SWAP70: variants seen among roughly 807,000 people sequenced by gnomAD.
The protein encoded by SWAP70 is switching B cell complex subunit SWAP70.
A neutral mutation model predicts 80.2 loss-of-function variants in SWAP70; 34 were observed. That is an observed-to-expected ratio of 0.42 (90% CI 0.32 to 0.56). SWAP70 has a LOEUF of 0.56. SWAP70 is among the 20% of genes least tolerant of loss of function. The pLI is 0.09. For synonymous variants in SWAP70, 239 were observed against 238.5 expected (o/e 1.00, Z -0.02); for missense variants, 578 against 690.7 (o/e 0.84, Z 1.83).
At chr11:9,733,293 A>G (rs79651690) in intron 7 of SWAP70, among the ~76,000 whole-genome samples, 2,125 of 152,230 alleles carry the variant, frequency 0.014, 56 homozygotes, top group African/African-American at 0.049. Flanking sequence ...CAGTATATGG[A>G]TATGGTCTTT....
intron 2 of SWAP70, among the ~76,000 whole-genome samples, chr11:9,699,843 G>A (rs1465919841): frequency 4.1e-5 from 6 of 146,158 alleles, no homozygotes; most frequent in African/African-American, 7.6e-5. Context: ...TGGTCTCACT[G>A]TGTCACCCAG....
At chr11:9,695,016 G>C (rs1850737947) in intron 2 of SWAP70, among the ~76,000 whole-genome samples, 1 of 152,128 alleles carries the variant, frequency 6.6e-6, no homozygotes, top group Non-Finnish European at 1.5e-5. Context: ...TGCCCAGGCA[G>C]GGTGGCTCAC....
At chr11:9,717,799 A>T (rs1851085000) in intron 3 of SWAP70, among the ~76,000 whole-genome samples, 4 of 152,148 alleles carry the variant, frequency 2.6e-5, no homozygotes, top group Admixed American at 2.6e-4. Flanking sequence ...CCATCACTAA[A>T]ATATTTGGTG....
chr11:9,731,513 C>CTA lies in SWAP70; in HGVS notation c.899-1014_899-1013dup, dbSNP rs1851297640. Among the ~76,000 whole-genome samples the CTA allele has an allele frequency of 3.9e-5, 6 of 152,208 alleles. No individual in the cohort carries two copies. The South Asian group carries it at 1.2e-3, about 31-fold the overall frequency. Reference sequence around the variant, plus strand: ...CATAGATTGCAAACAATCTAGCTATCTATTAATAGGGAAATGGTTGAATAA... The same window carrying CTA: ...CATAGATTGCAAACAATCTAGCTATCTATATTAATAGGGAAATGGTTGAATAA... On this transcript the variant is annotated intron_variant, in intron 6 of 11. Coordinates refer to ENST00000318950, the MANE Select transcript of SWAP70 (RefSeq NM_015055.4).
rs529940455 is a variant in SWAP70 at position 9,733,396 on chromosome 11, A to C, written c.1080+686A>C. Among the ~76,000 whole-genome samples the C allele has an allele frequency of 2.0e-5, 3 of 152,330 alleles. No individual in the cohort carries two copies. In the South Asian group the frequency reaches 6.2e-4, roughly 32 times the overall value. On this transcript the variant is annotated intron_variant, in intron 7 of 11. Coordinates refer to ENST00000318950, the MANE Select transcript of SWAP70 (RefSeq NM_015055.4). ...AGGACTCTTTCATGCACATCTGTGC[A>C]AAAACTTTGCTCTGGGATATGGGGG...
chr11:9,747,973 C>T lies in SWAP70; in HGVS notation c.1471C>T (p.Leu491=). 1 of 1,614,146 alleles carries T rather than the reference C, an allele frequency of 6.2e-7. No individual in the cohort carries two copies. Among genetic ancestry groups the T allele is most frequent in the South Asian group, 1.1e-5 (1 of 91,082 alleles). The change falls in exon 10 of 12, where the codon CTG becomes TTG. Residue 491 remains leucine (L), a synonymous_variant. Transcript: ENST00000318950. The part of the protein sequence containing the change: ...EKQELENQRV[L]KEQALQEAME... Reference sequence around the variant, plus strand: ...GCAGGAGTTGGAGAATCAGCGTGTCCTGAAGGAACAGGCCCTGCAGGAGGC... The same window carrying T: ...GCAGGAGTTGGAGAATCAGCGTGTCTTGAAGGAACAGGCCCTGCAGGAGGC...
intron 3 of SWAP70, among the ~76,000 whole-genome samples, chr11:9,723,691 G>GA (rs1449162022): frequency 6.6e-6 from 1 of 151,628 alleles, no homozygotes; most frequent in Non-Finnish European, 1.5e-5. Flanking sequence ...GGGCTTTCCA[G>GA]AAAATAAGAG....
intron 1 of SWAP70, among the ~76,000 whole-genome samples, chr11:9,689,105 T>C (rs539294294): frequency 6.6e-6 from 1 of 152,326 alleles, no homozygotes; most frequent in South Asian, 2.1e-4. Context: ...TTTTTTTCAG[T>C]GTTGAATCTT....
At chr11:9,682,263 CAG>C (rs1850577096) in intron 1 of SWAP70, among the ~76,000 whole-genome samples, 1 of 152,136 alleles carries the variant, frequency 6.6e-6, no homozygotes, top group African/African-American at 2.4e-5. Flanking sequence ...GCAGTAGAGA[CAG>C]GAGTTGGCAT....
chr11:9,752,150 G>T lies in SWAP70; in HGVS notation c.*2180G>T, dbSNP rs1457335847. 6 of 152,230 alleles carry T rather than the reference G, an allele frequency of 3.9e-5. No homozygotes were observed. The highest frequency in any genetic ancestry group is 5.9e-5 in the Non-Finnish European group (4 of 68,036). 9.4% of individuals were successfully genotyped at this position (152,230 alleles called of 1,614,324 possible). On this transcript the variant is annotated 3_prime_UTR_variant, in exon 12 of 12. Transcript: ENST00000318950. The stretch of plus-strand genomic sequence containing the variant: ...TTAGGAGTCAAATAGTCTCTGCATG[G>T]TGGGGAGGATCATGATGGAATATGT...
rs375971179 is a variant in SWAP70, at chr11:9,743,115, G to A, written c.1355+2768G>A. Reference sequence around the variant, plus strand: ...CTTCCTGTGTCCAAGTGTTCTCATTGTTCAGTTCCCACCTATGAGTGAGAA... The same window carrying A: ...CTTCCTGTGTCCAAGTGTTCTCATTATTCAGTTCCCACCTATGAGTGAGAA... On this transcript the variant is annotated intron_variant, in intron 9 of 11. Transcript: ENST00000318950. Among the ~76,000 whole-genome samples the A allele has an allele frequency of 3.6e-4, 50 of 138,032 alleles. No individual in the cohort carries two copies. The East Asian group carries it at 8.5e-3, about 23-fold the overall frequency. 90.6% of individuals were successfully genotyped at this position (138,032 alleles called of 152,430 possible). A position where few individuals can be genotyped will look rare whatever the true frequency, so the allele number is the denominator to read the frequency against.
intron 9 of SWAP70, among the ~76,000 whole-genome samples, chr11:9,742,839 G>A (rs189650427): frequency 1.9e-4 from 29 of 150,522 alleles, no homozygotes; most frequent in African/African-American, 6.1e-4. Flanking sequence ...ATAATCTTAC[G>A]CCAAGGGCCT....
intron 2 of SWAP70, among the ~76,000 whole-genome samples, chr11:9,704,836 G>A (rs951533673): frequency 1.3e-5 from 2 of 152,210 alleles, no homozygotes; most frequent in Admixed American, 6.5e-5. Context: ...CTGACCTGTA[G>A]TAGACAGGTA....
intron 3 of SWAP70, among the ~76,000 whole-genome samples, chr11:9,718,978 A>G (rs1419837505): frequency 6.7e-6 from 1 of 150,208 alleles, no homozygotes; most frequent in East Asian, 2.0e-4. Context: ...CACATGCCTG[A>G]AGTCTCAGCT....
intron 3 of SWAP70, among the ~76,000 whole-genome samples, chr11:9,715,668 A>G (rs978539716): frequency 2.6e-5 from 4 of 151,350 alleles, no homozygotes; most frequent in East Asian, 1.9e-4. Context: ...GTGCAGGGAA[A>G]CTCTCCTTTA....
intron 9 of SWAP70, among the ~76,000 whole-genome samples, chr11:9,745,301 C>T (rs1348077541): frequency 1.3e-5 from 2 of 152,198 alleles, no homozygotes; most frequent in East Asian, 1.9e-4. Context: ...TAGAGTAATG[C>T]CTAGCATTTG....
intron 2 of SWAP70, among the ~76,000 whole-genome samples, chr11:9,711,577 G>A (rs553944173): frequency 6.6e-6 from 1 of 152,320 alleles, no homozygotes; most frequent in South Asian, 2.1e-4. Flanking sequence ...CCCAGGCTCA[G>A]CCAGTAGAAC....
At chr11:9,735,055 A>G (rs74927249) in intron 7 of SWAP70, among the ~76,000 whole-genome samples, 3,616 of 152,296 alleles carry the variant, frequency 0.024, 166 homozygotes, top group African/African-American at 0.082. Context: ...TACTTAAAGA[A>G]TTTACTTAAA....
chr11:9,711,024 T>TTTATTTA (rs1565123350), intron 2 of SWAP70, among the ~76,000 whole-genome samples: 23 of 129,096 alleles, frequency 1.8e-4, no homozygotes, highest in African/African-American at 4.1e-4. Context: ...TTATTTATTT[T>TTTATTTA]TGTATTGTTA....
Sources: allele counts gnomAD v4.1 joint callset (sites outside exome capture counted in the v4.1 genomes callset), GRCh38; gene constraint gnomAD v4.1.1; transcripts MANE v1.5; gene names NCBI Gene and HGNC (gene_info 2026-07-23, HGNC 2026-07-21).